JMJD1C: variants seen among roughly 807,000 people sequenced by gnomAD.
The protein encoded by JMJD1C is jumonji domain containing 1C.
Under a neutral mutation model 245.3 loss-of-function variants are expected in JMJD1C, and 31 were observed. The observed-to-expected ratio is 0.13, with a 90% CI of 0.09 to 0.17. The LOEUF is 0.17. Ranked by LOEUF, JMJD1C falls within the 10% of genes least tolerant of loss-of-function variation. The pLI is 1.00. For missense variants in JMJD1C, 2,691 were observed against 3,000.2 expected (o/e 0.90, Z 2.41); for synonymous variants, 1,057 against 1,017.4 (o/e 1.04, Z -0.74).
chr10:63,454,338 C>G (rs1952268237), intron 1 of JMJD1C, among the ~76,000 whole-genome samples: 1 of 151,404 alleles, frequency 6.6e-6, no homozygotes, highest in Non-Finnish European at 1.5e-5. Context: ...CAGCTCACTG[C>G]AAGCTCCACC....
chr10:63,266,339 TCTA>T (rs1188665758), intron 2 of JMJD1C, among the ~76,000 whole-genome samples: 2 of 152,098 alleles, frequency 1.3e-5, no homozygotes, highest in Non-Finnish European at 1.5e-5. Context: ...GCTATTTCCT[TCTA>T]CTGTTATCAT....
intron 2 of JMJD1C, among the ~76,000 whole-genome samples, chr10:63,323,316 G>A (rs897759838): frequency 1.3e-5 from 2 of 152,132 alleles, no homozygotes; most frequent in African/African-American, 4.8e-5. Flanking sequence ...TTGAGGTCAG[G>A]AGTTTGAGTC....
intron 2 of JMJD1C, among the ~76,000 whole-genome samples, chr10:63,346,511 T>C (rs573417187): frequency 1.3e-4 from 20 of 152,364 alleles, no homozygotes; most frequent in African/African-American, 4.6e-4. Flanking sequence ...GCAGCCATAC[T>C]TCAACCACTC....
At chr10:63,395,410 G>A (rs557043370) in intron 1 of JMJD1C, among the ~76,000 whole-genome samples, 4 of 152,204 alleles carry the variant, frequency 2.6e-5, no homozygotes, top group East Asian at 1.9e-4. Context: ...CCCAGGAGGC[G>A]GAGTTTACAG....
chr10:63,227,348 A>G (rs763569678), intron 3 of JMJD1C, among the ~76,000 whole-genome samples: 4 of 152,190 alleles, frequency 2.6e-5, no homozygotes, highest in Non-Finnish European at 4.4e-5. Context: ...TATGTCACAC[A>G]TAGTCTCATT....
intron 20 of JMJD1C, among the ~76,000 whole-genome samples, 156 bp from the exon 21 acceptor site, chr10:63,184,894 A>G (rs1843939870): frequency 1.3e-5 from 2 of 152,186 alleles, no homozygotes; most frequent in Admixed American, 1.3e-4. Flanking sequence ...TAAAATAGCA[A>G]TTCTGCTTCT....
At chr10:63,475,817 C>T (rs917594410) in intron 1 of JMJD1C, among the ~76,000 whole-genome samples, 3 of 152,132 alleles carry the variant, frequency 2.0e-5, no homozygotes, top group Non-Finnish European at 4.4e-5. Flanking sequence ...AGTTCAGGTG[C>T]GCAGATAAGG....
intron 1 of JMJD1C, among the ~76,000 whole-genome samples, chr10:63,383,511 C>G (rs113502066): frequency 0.011 from 1,659 of 152,128 alleles, 33 homozygotes; most frequent in African/African-American, 0.038. Context: ...CCAGCTTAGG[C>G]AACACAGTAA....
rs1359648070 is a variant in JMJD1C, at chr10:63,213,721, C to G, written c.2446G>C (p.Glu816Gln). Residue 816 changes from glutamate (E) to glutamine (Q), a missense_variant, in exon 8 of 26, where the codon GAG becomes CAG. Physicochemically the swap from Glu to Gln is conservative, Grantham distance 29 (BLOSUM62 2). Around this residue, in one of 9 missense-constraint regions of JMJD1C, gnomAD observed 1,562 missense variants for 1,490.7 expected, o/e 1.05. Coordinates refer to ENST00000399262, the MANE Select transcript of JMJD1C (RefSeq NM_032776.3). ...CTCAAGCTGCTGGCATGAGCACTCT[C>G]TAGTCGTGGGTGGCCACCAAGTAAG... The part of the protein sequence containing the change: ...ASLLGGHPRL[E>Q]SAHASSLSHL... 1.2e-6 allele frequency: 2 copies of G among 1,614,206 alleles called. No individual in the cohort carries two copies. Among genetic ancestry groups the G allele is most frequent in the Admixed American group, 1.7e-5 (1 of 60,026 alleles).
intron 1 of JMJD1C, among the ~76,000 whole-genome samples, chr10:63,406,070 A>G (rs1424688812): frequency 6.6e-6 from 1 of 152,218 alleles, no homozygotes; most frequent in Admixed American, 6.5e-5. Context: ...AGAAACAAGA[A>G]TATTACATGG....
intron 1 of JMJD1C, among the ~76,000 whole-genome samples, chr10:63,511,812 C>T (rs1227647785): frequency 1.3e-5 from 2 of 152,198 alleles, no homozygotes; most frequent in African/African-American, 4.8e-5. Context: ...GGGCCATCTG[C>T]ATGACTTGAG....
intron 1 of JMJD1C, among the ~76,000 whole-genome samples, chr10:63,457,096 G>C (rs1952464057): frequency 2.0e-5 from 3 of 152,088 alleles, no homozygotes; most frequent in Non-Finnish European, 4.4e-5. Context: ...AAAAATTTCA[G>C]CTTAGTTTTT....
At chr10:63,448,104 T>C (rs1428920312) in intron 1 of JMJD1C, among the ~76,000 whole-genome samples, 5 of 152,198 alleles carry the variant, frequency 3.3e-5, no homozygotes, top group Non-Finnish European at 5.9e-5. Flanking sequence ...TCATCCTTTG[T>C]GCATTACTGA....
chr10:63,426,816 G>A lies in JMJD1C; in HGVS notation c.168+38679C>T, dbSNP rs556447137. Among the ~76,000 whole-genome samples the A allele has an allele frequency of 5.9e-5, 9 of 152,246 alleles. No individual in the cohort carries two copies. In the South Asian group the frequency reaches 1.9e-3, roughly 32 times the overall value. The stretch of plus-strand genomic sequence containing the variant: ...TTAGAAGTCTTACTCTGAGTATCTA[G>A]TGTAAGATAATATTTTCTCCAAAAG... On this transcript the variant is annotated intron_variant, in intron 1 of 25. Transcript: ENST00000399262.
intron 1 of JMJD1C, among the ~76,000 whole-genome samples, chr10:63,420,856 A>G (rs1030519649): frequency 4.3e-5 from 5 of 115,918 alleles, no homozygotes; most frequent in Non-Finnish European, 8.0e-5. Flanking sequence ...AGAAAACAAC[A>G]AAGTACAAAA....
At chr10:63,261,560 G>A (rs1207163070) in intron 3 of JMJD1C, among the ~76,000 whole-genome samples, 9 of 151,168 alleles carry the variant, frequency 6.0e-5, no homozygotes, top group African/African-American at 1.2e-4. Flanking sequence ...CAGCCTGAGC[G>A]ACAGAAAAAA....
intron 1 of JMJD1C, among the ~76,000 whole-genome samples, chr10:63,482,088 A>T (rs1953847866): frequency 6.6e-6 from 1 of 152,232 alleles, no homozygotes; most frequent in African/African-American, 2.4e-5. Context: ...GGAAACCGCA[A>T]CTAAATGAAA....
intron 2 of JMJD1C, among the ~76,000 whole-genome samples, chr10:63,275,997 T>C (rs139353281): frequency 2.6e-4 from 40 of 152,346 alleles, no homozygotes; most frequent in African/African-American, 9.1e-4. Context: ...TAATGTTGAA[T>C]GCTAAAGCTG....
intron 1 of JMJD1C, among the ~76,000 whole-genome samples, chr10:63,451,373 C>G (rs189497466): frequency 9.5e-4 from 144 of 152,292 alleles, no homozygotes; most frequent in Non-Finnish European, 1.6e-3. Flanking sequence ...TGATTTCAAA[C>G]TTACTACAAA....
Sources: allele counts gnomAD v4.1 joint callset (sites outside exome capture counted in the v4.1 genomes callset), GRCh38; gene constraint gnomAD v4.1.1; regional missense constraint gnomAD v4.1.1; transcripts MANE v1.5; gene names NCBI Gene and HGNC (gene_info 2026-07-23, HGNC 2026-07-21).